The following GRID1 variants were observed in gnomAD, a reference collection of about 807,000 sequenced individuals.
GRID1 encodes the protein glutamate ionotropic receptor delta type subunit 1.
A neutral mutation model predicts 98.0 loss-of-function variants in GRID1; 28 were observed. The ratio of observed to expected loss-of-function variants is 0.29; its 90% CI spans 0.21 to 0.39. The LOEUF (loss-of-function observed/expected upper bound fraction) is 0.39. Among genes scored for constraint, GRID1 ranks in the 10% least tolerant of loss-of-function variants. GRID1 has a pLI of 1.00. For synonymous variants in GRID1, 553 were observed against 538.5 expected (o/e 1.03, Z -0.37); for missense variants, 1,111 against 1,340.5 (o/e 0.83, Z 2.67).
At chr10:86,069,024 C>T (rs1348555016) in intron 4 of GRID1, among the ~76,000 whole-genome samples, 1 of 152,022 alleles carries the variant, frequency 6.6e-6, no homozygotes, top group African/African-American at 2.4e-5. Context: ...TTAGACCCAA[C>T]AATTTCCTGG....
rs191117925 is a variant in GRID1 at position 85,898,242 on chromosome 10, A to T, written c.780+17944T>A. Among the ~76,000 whole-genome samples the T allele has an allele frequency of 6.6e-5, 10 of 152,316 alleles. No homozygotes were observed. The East Asian group carries it at 1.9e-3, about 29-fold the overall frequency. ...TAAAAATATGCTATGAAAGATAAAA[A>T]ATTGTACAACTGTATAGGACACTTA... On this transcript the variant is annotated intron_variant, in intron 5 of 15. Coordinates refer to ENST00000327946, the MANE Select transcript of GRID1 (RefSeq NM_017551.3).
chr10:85,813,458 C>G (rs561988358), intron 8 of GRID1, among the ~76,000 whole-genome samples: 1 of 139,724 alleles, frequency 7.2e-6, no homozygotes, highest in Non-Finnish European at 1.6e-5. Flanking sequence ...AAATGTGAAA[C>G]GCTGAAAAAA....
At chr10:86,127,933 CCT>C (rs1333865501) in intron 4 of GRID1, among the ~76,000 whole-genome samples, 1 of 152,176 alleles carries the variant, frequency 6.6e-6, no homozygotes, top group Admixed American at 6.5e-5. Flanking sequence ...TGCACCAGGC[CCT>C]CTCAAGAGCA....
At chr10:86,299,371 A>T (rs1847647595) in intron 2 of GRID1, among the ~76,000 whole-genome samples, 1 of 148,506 alleles carries the variant, frequency 6.7e-6, no homozygotes, top group South Asian at 2.1e-4. Context: ...TCTAGGGTAC[A>T]TGTGCACAAT....
intron 12 of GRID1, among the ~76,000 whole-genome samples, chr10:85,704,753 A>C (rs1462356163): frequency 6.6e-6 from 1 of 152,214 alleles, no homozygotes; most frequent in African/African-American, 2.4e-5. Context: ...AAAGAACAGA[A>C]ATTATAACAA....
At chr10:86,043,584 A>G (rs4934145) in intron 4 of GRID1, among the ~76,000 whole-genome samples, 13,090 of 152,264 alleles carry the variant, frequency 0.086, 603 homozygotes, top group Non-Finnish European at 0.11. Flanking sequence ...GCTGCAGGCT[A>G]TAGGTGACCT....
chr10:86,010,503 A>G (rs1190724073), intron 4 of GRID1, among the ~76,000 whole-genome samples: 1 of 152,202 alleles, frequency 6.6e-6, no homozygotes, highest in Non-Finnish European at 1.5e-5. Context: ...AGTAAAGTTT[A>G]AATTGATTTC....
chr10:85,965,830 T>C lies in GRID1; in HGVS notation c.727-49591A>G, dbSNP rs546352629. Among the ~76,000 whole-genome samples the C allele has an allele frequency of 2.1e-3, 314 of 152,006 alleles. 3 individuals carry two copies. Among genetic ancestry groups the C allele is most frequent in the African/African-American group, 7.2e-3 (297 of 41,456 alleles). On this transcript the variant is annotated intron_variant, in intron 4 of 15. Transcript: ENST00000327946. ...CAACCCTAGAAATTAACCAAAGCCA[T>C]ATAACAACCTAAGGAGTGTTTATTC...
At chr10:85,737,304 G>A (rs1476420045) in intron 8 of GRID1, among the ~76,000 whole-genome samples, 2 of 151,970 alleles carry the variant, frequency 1.3e-5, no homozygotes, top group South Asian at 2.1e-4. Flanking sequence ...CATATACAGG[G>A]GCTTTTGAAA....
intron 12 of GRID1, among the ~76,000 whole-genome samples, chr10:85,703,719 G>A (rs527899068): frequency 2.8e-4 from 42 of 152,102 alleles, no homozygotes; most frequent in African/African-American, 9.6e-4. Context: ...AATGGTAACA[G>A]AATGCTAAAC....
At chr10:85,737,807 A>T (rs117069962) in intron 8 of GRID1, among the ~76,000 whole-genome samples, 4,834 of 150,764 alleles carry the variant, frequency 0.032, 121 homozygotes, top group Non-Finnish European at 0.046. Context: ...AAGTTAGCCT[A>T]TAAGAAACTT....
chr10:85,660,543 G>T (rs1479308957), intron 12 of GRID1, among the ~76,000 whole-genome samples: 1 of 151,934 alleles, frequency 6.6e-6, no homozygotes, highest in Admixed American at 6.6e-5. Flanking sequence ...TAGGACTCTG[G>T]GAGGTAAGGT....
intron 6 of GRID1, among the ~76,000 whole-genome samples, chr10:85,860,469 C>A (rs1843154177): frequency 6.6e-6 from 1 of 152,192 alleles, no homozygotes. Context: ...AAGTCAAGGC[C>A]AGACAGAAGC....
chr10:85,635,928 C>T (rs1441557154), intron 13 of GRID1, among the ~76,000 whole-genome samples: 1 of 152,152 alleles, frequency 6.6e-6, no homozygotes, highest in Non-Finnish European at 1.5e-5. Context: ...CACGGGGTAA[C>T]GACAAGGGCG....
At chr10:85,915,129 T>C (rs1295608883) in intron 5 of GRID1, among the ~76,000 whole-genome samples, 2 of 152,146 alleles carry the variant, frequency 1.3e-5, no homozygotes, top group South Asian at 4.1e-4. Flanking sequence ...TGGTCAGTCA[T>C]GGGAGAGACT....
intron 2 of GRID1, among the ~76,000 whole-genome samples, chr10:86,210,327 C>T (rs1206099440): frequency 6.6e-6 from 1 of 152,178 alleles, no homozygotes; most frequent in Non-Finnish European, 1.5e-5. Context: ...CACCCAAGTT[C>T]CAGTTTTGGC....
At chr10:86,051,879 A>G (rs547601876) in intron 4 of GRID1, among the ~76,000 whole-genome samples, 1 of 152,382 alleles carries the variant, frequency 6.6e-6, no homozygotes, top group South Asian at 2.1e-4. Flanking sequence ...AGAATTTTGC[A>G]GTATCTACCA....
chr10:85,892,585 T>C (rs1298335921), intron 5 of GRID1, among the ~76,000 whole-genome samples: 2 of 151,236 alleles, frequency 1.3e-5, no homozygotes, highest in East Asian at 1.9e-4. Flanking sequence ...TAGATTTTTA[T>C]ACATGCAAAA....
intron 6 of GRID1, among the ~76,000 whole-genome samples, chr10:85,862,976 G>A (rs1211711850): frequency 1.3e-5 from 2 of 152,156 alleles, no homozygotes; most frequent in African/African-American, 4.8e-5. Context: ...ATTCCCCAGC[G>A]GGGAGGGGCT....
Sources: gnomAD v4.1 joint callset for allele counts (sites outside exome capture counted in the v4.1 genomes callset) on GRCh38, gnomAD v4.1.1 for gene constraint, MANE v1.5 for transcripts, NCBI Gene and HGNC (gene_info 2026-07-23, HGNC 2026-07-21) for gene names.